Variants in BLK observed in about 807,000 individuals in gnomAD.
BLK encodes BLK proto-oncogene, Src family tyrosine kinase.
Under a neutral mutation model 61.8 loss-of-function variants are expected in BLK, and 64 were observed. The ratio of observed to expected loss-of-function variants is 1.03; its 90% confidence interval spans 0.85 to 1.27. The LOEUF (loss-of-function observed/expected upper bound fraction) is 1.27, where lower values mean the gene tolerates loss of function less well. BLK is among the 50% of genes most tolerant of loss of function. The probability of loss-of-function intolerance (pLI) is 0.00; values close to 1 mark genes in which losing one functional copy is unlikely to be tolerated. For synonymous variants in BLK, 351 were observed against 272.0 expected (o/e 1.29, Z -2.86); for missense variants, 853 against 660.5 (o/e 1.29, Z -3.19).
chr8:11,509,745 A>T (rs1798925432), intron 1 of BLK: 1 of 152,158 alleles, frequency 6.6e-6, no homozygotes, highest in South Asian at 2.1e-4. Flanking sequence ...CTGACTTTTA[A>T]ACTGTAAACA....
At position 11,555,333 on chromosome 8, in the gene BLK, G is replaced by A; in HGVS notation, c.621G>A (p.Lys207=). Reference sequence around the variant, plus strand: ...CCTGTCTTTTCTTCCCTAATGCAGAGAAGGGGGATGGTCTATGCCAGAGGC... The same window carrying A: ...CCTGTCTTTTCTTCCCTAATGCAGAAAAGGGGGATGGTCTATGCCAGAGGC... ...SLQALVQHYS[K]KGDGLCQRLT... The change falls in exon 8 of 13, where the codon AAG becomes AAA. Residue 207 remains lysine (K), a splice_region_variant and synonymous_variant. Coordinates refer to ENST00000259089, the MANE Select transcript of BLK (RefSeq NM_001715.3). 2.5e-6 allele frequency: 4 copies of A among 1,614,098 alleles called. No homozygotes were observed. The highest frequency in any genetic ancestry group is 3.4e-6 in the Non-Finnish European group (4 of 1,180,022).
At position 11,548,386 on chromosome 8, in the gene BLK, C is replaced by T. The variant is rs142968946; in HGVS notation, c.269+261C>T. Among the ~76,000 whole-genome samples, 310 of 152,360 alleles carry T rather than the reference C, an allele frequency of 2.0e-3. 2 individuals are homozygous for T. Among genetic ancestry groups the T allele is most frequent in the African/African-American group, 7.2e-3 (300 of 41,582 alleles). ...CATGCCACCGCCTCCATGCAGCCCT[C>T]CTGACTCTTTTGGGCATGTGGACCT... On this transcript the variant is annotated intron_variant, in intron 4 of 12. Transcript: ENST00000259089.
At chr8:11,554,979 C>T (rs1801129217) in intron 7 of BLK, 90 bp downstream of exon 7, 2 of 1,534,366 alleles carry the variant, frequency 1.3e-6, no homozygotes, top group African/African-American at 1.4e-5. Flanking sequence ...GTCATTGGTG[C>T]CACCTTGGGG....
chr8:11,544,692 G>C lies in BLK; in HGVS notation c.123+1345G>C, dbSNP rs143765312. On this transcript the variant is annotated intron_variant, in intron 2 of 12. Coordinates refer to ENST00000259089, the MANE Select transcript of BLK (RefSeq NM_001715.3). ...TAATTACTCATTATTCCACTATGTA[G>C]AGTCACCAGAGTTGCCTCGAGACCC... 3.0e-3 allele frequency among the ~76,000 whole-genome samples: 452 copies of C among 152,208 alleles called. 4 individuals carry two copies. Among genetic ancestry groups the C allele is most frequent in the Non-Finnish European group, 4.5e-3 (307 of 68,018 alleles).
At chr8:11,500,401 G>A (rs1043822586) in intron 1 of BLK, among the ~76,000 whole-genome samples, 2 of 151,636 alleles carry the variant, frequency 1.3e-5, no homozygotes, top group Non-Finnish European at 2.9e-5. Flanking sequence ...TCATCATGTT[G>A]GCCAGGCTGG....
rs897649644 is a variant in BLK at position 11,563,081 on chromosome 8, T to C, written c.1283T>C (p.Val428Ala). Residue 428 changes from valine to alanine, a missense_variant, in exon 12 of 13, where the codon GTT becomes GCT. Coordinates refer to ENST00000259089, the MANE Select transcript of BLK (RefSeq NM_001715.3). ...VWSFGVLLMEVVTYGRVPYPG... is the reference protein window; with the variant it reads ...VWSFGVLLMEAVTYGRVPYPG... ...TCGTTTGGAGTCCTCCTGATGGAAGTTGTCACTTATGGGCGGGTGCCATAC... is the reference window on the plus strand; with the variant it reads ...TCGTTTGGAGTCCTCCTGATGGAAGCTGTCACTTATGGGCGGGTGCCATAC... 3.7e-6 allele frequency: 6 copies of C among 1,613,880 alleles called. No homozygotes were observed. The African/African-American group carries it at 4.0e-5, about 11-fold the overall frequency.
intron 1 of BLK, chr8:11,509,724 G>A (rs1244758479): frequency 1.3e-5 from 2 of 152,272 alleles, no homozygotes; most frequent in Middle Eastern, 3.4e-3. Flanking sequence ...GTACAGATGT[G>A]TCATTTTCTC....
At position 11,533,918 on chromosome 8, in the gene BLK, T is replaced by C. The variant is rs76578201; in HGVS notation, c.-1-9306T>C. Among the ~76,000 whole-genome samples the C allele has an allele frequency of 9.9e-3, 1,506 of 152,374 alleles. 20 individuals are homozygous for C. The highest frequency in any genetic ancestry group is 0.034 in the African/African-American group (1,412 of 41,584). On this transcript the variant is annotated intron_variant, in intron 1 of 12. Transcript: ENST00000259089. ...GCAGTAAAACTGCAGGCATTATTTATGGGAGACTCAAAGGAGGGAATGCCC... is the reference window on the plus strand; with the variant it reads ...GCAGTAAAACTGCAGGCATTATTTACGGGAGACTCAAAGGAGGGAATGCCC...
chr8:11,513,876 C>T (rs533759438), intron 1 of BLK, among the ~76,000 whole-genome samples: 1 of 152,202 alleles, frequency 6.6e-6, no homozygotes, highest in Non-Finnish European at 1.5e-5. Context: ...AATGGAGCAG[C>T]TGGGCCCGAC....
intron 1 of BLK, among the ~76,000 whole-genome samples, chr8:11,504,508 G>C (rs569866466): frequency 2.6e-4 from 40 of 152,302 alleles, no homozygotes; most frequent in African/African-American, 8.7e-4. Context: ...CCTTCAGAAG[G>C]GGGAGAAGTA....
chr8:11,526,987 T>TG, intron 1 of BLK, among the ~76,000 whole-genome samples: 1 of 152,194 alleles, frequency 6.6e-6, no homozygotes, highest in South Asian at 2.1e-4. Context: ...TTTATGTGCT[T>TG]GGGGGTCACA....
chr8:11,543,161 T>A (rs1800463494), intron 1 of BLK, 63 bp from the exon 2 acceptor site: 2 of 1,610,388 alleles, frequency 1.2e-6, no homozygotes, highest in Non-Finnish European at 1.7e-6. Flanking sequence ...AGGGATCCCC[T>A]CTGTGCAGAG....
intron 1 of BLK, among the ~76,000 whole-genome samples, chr8:11,495,247 T>A (rs1396004667): frequency 6.6e-6 from 1 of 152,214 alleles, no homozygotes; most frequent in Non-Finnish European, 1.5e-5. Context: ...TATCTGGTAA[T>A]GCGGGTGGAT....
At chr8:11,556,220 T>G in intron 8 of BLK, 3 of 282,558 alleles carry the variant, frequency 1.1e-5, no homozygotes, top group East Asian at 8.8e-5. Flanking sequence ...GTTTAAGGAG[T>G]GGGACAGGAT....
chr8:11,509,435 AT>A (rs1400069242), intron 1 of BLK: 1 of 152,228 alleles, frequency 6.6e-6, no homozygotes, highest in African/African-American at 2.4e-5. Context: ...AGACATGGAA[AT>A]GCCTCACCAG....
chr8:11,534,977 C>T (rs1296985348), intron 1 of BLK, among the ~76,000 whole-genome samples: 1 of 152,096 alleles, frequency 6.6e-6, no homozygotes, highest in East Asian at 1.9e-4. Flanking sequence ...CATTCAAGAC[C>T]AGCCTGGGCA....
chr8:11,545,926 A>C, intron 2 of BLK, 126 bp from the exon 3 acceptor site: 1 of 974,002 alleles, frequency 1.0e-6, no homozygotes, highest in Non-Finnish European at 1.7e-6. Flanking sequence ...CCCCACAGGC[A>C]GCTGCCTCTC....
intron 1 of BLK, among the ~76,000 whole-genome samples, chr8:11,499,237 T>C (rs1261586101): frequency 6.6e-6 from 1 of 152,246 alleles, no homozygotes; most frequent in Non-Finnish European, 1.5e-5. Flanking sequence ...TCGCAGGCTG[T>C]GTAGGTGTGT....
intron 1 of BLK, among the ~76,000 whole-genome samples, chr8:11,506,168 G>A (rs1394716268): frequency 6.6e-6 from 1 of 152,202 alleles, no homozygotes; most frequent in East Asian, 1.9e-4. Flanking sequence ...TACCAGCCTG[G>A]CTCTGGAGCT....
Sources: gnomAD v4.1 joint callset for allele counts (sites outside exome capture counted in the v4.1 genomes callset) on GRCh38, gnomAD v4.1.1 for gene constraint, MANE v1.5 for transcripts, NCBI Gene and HGNC (gene_info 2026-07-23, HGNC 2026-07-21) for gene names.